Variants in PARD3B observed in about 807,000 individuals in gnomAD.
PARD3B encodes par-3 family cell polarity regulator beta, also known as partitioning defective 3 homolog B.
PARD3B carries 103 observed loss-of-function variants against 130.2 expected under a neutral mutation model. The ratio of observed to expected loss-of-function variants is 0.79; its 90% confidence interval spans 0.67 to 0.93. The LOEUF (loss-of-function observed/expected upper bound fraction) is 0.93, where lower values mean the gene tolerates loss of function less well. Ranked by LOEUF, PARD3B falls within the 40% of genes least tolerant of loss-of-function variation. The pLI, the probability that PARD3B is intolerant of heterozygous loss-of-function variation, is 0.00. For missense variants in PARD3B, 1,609 were observed against 1,499.2 expected, an observed-to-expected ratio of 1.07 and a Z score of -1.21; for synonymous variants, 583 against 553.2, an observed-to-expected ratio of 1.05 and a Z score of -0.76.
chr2:205,329,749 G>A (rs536475482), intron 18 of PARD3B, among the ~76,000 whole-genome samples: 1 of 152,300 alleles, frequency 6.6e-6, no homozygotes, highest in East Asian at 1.9e-4. Flanking sequence ...CTAGCATTGT[G>A]GGAGGCAGAG....
At position 205,325,922 on chromosome 2, in the gene PARD3B, C is replaced by T. The variant is rs1265662171; in HGVS notation, c.2630+24221C>T. Among the ~76,000 whole-genome samples, 3 of 152,194 alleles carry T rather than the reference C, an allele frequency of 2.0e-5. No individual in the cohort carries two copies. Among genetic ancestry groups the T allele is most frequent in the Non-Finnish European group, 4.4e-5 (3 of 68,046 alleles). On this transcript the variant is annotated intron_variant, in intron 18 of 22. Coordinates refer to ENST00000406610, the MANE Select transcript of PARD3B (RefSeq NM_001302769.2). The surrounding 1 kb of genome is among the most constrained non-coding windows in gnomAD (Gnocchi z 4.1). ...GCAAATAAACACAAAAACATCCTAT[C>T]ATCGTAGACTTCATTGCCTGTGTAT...
intron 19 of PARD3B, among the ~76,000 whole-genome samples, chr2:205,431,267 G>T (rs1428986369): frequency 6.6e-6 from 1 of 152,056 alleles, no homozygotes; most frequent in African/African-American, 2.4e-5. Context: ...AGTAGAGATG[G>T]GGTTTCACCA....
intron 2 of PARD3B, among the ~76,000 whole-genome samples, chr2:204,792,654 A>G (rs1282389424): frequency 2.0e-5 from 3 of 152,044 alleles, no homozygotes; most frequent in Non-Finnish European, 4.4e-5. Flanking sequence ...ACTACCACCA[A>G]CACCCCCACA....
chr2:204,851,692 C>A (rs2044712397), intron 2 of PARD3B, among the ~76,000 whole-genome samples: 1 of 151,630 alleles, frequency 6.6e-6, no homozygotes. Context: ...AACTGGCCAA[C>A]AGAATGATAT....
Position 205,562,230 on chromosome 2 carries a change from A to C in PARD3B, c.3260+8827A>C, listed in dbSNP as rs991628616. On this transcript the variant is annotated intron_variant, in intron 22 of 22. Transcript: ENST00000406610. The surrounding 1 kb of genome is among the most constrained non-coding windows in gnomAD (Gnocchi z 5.4). ...TTTTCATCATTTCCTCGTAGCCAAT[A>C]TATCCTTGATGCCAGTTAGAATATT... Among the ~76,000 whole-genome samples the C allele has an allele frequency of 6.6e-6, 1 of 152,160 alleles. No homozygotes were observed. Among genetic ancestry groups the C allele is most frequent in the African/African-American group, 2.4e-5 (1 of 41,438 alleles).
intron 2 of PARD3B, among the ~76,000 whole-genome samples, chr2:204,804,250 A>G (rs755940470): frequency 6.6e-6 from 1 of 152,120 alleles, no homozygotes; most frequent in African/African-American, 2.4e-5. Flanking sequence ...TCTTGCCTAC[A>G]AGAAACACAG....
intron 14 of PARD3B, among the ~76,000 whole-genome samples, chr2:205,191,733 G>A (rs1304096982): frequency 1.3e-5 from 2 of 152,102 alleles, no homozygotes; most frequent in East Asian, 3.8e-4. Context: ...TATACATAAG[G>A]AAATTGAAGC....
intron 18 of PARD3B, among the ~76,000 whole-genome samples, chr2:205,367,878 T>C (rs1461636320): frequency 6.6e-6 from 1 of 152,216 alleles, no homozygotes; most frequent in African/African-American, 2.4e-5. Context: ...ACTGATCCTT[T>C]CCCCTTTTAC....
chr2:205,260,423 T>G (rs1441370091), intron 16 of PARD3B, among the ~76,000 whole-genome samples: 1 of 152,106 alleles, frequency 6.6e-6, no homozygotes, highest in Non-Finnish European at 1.5e-5. Flanking sequence ...CTAGCTCCAG[T>G]TTAGTGTCTA....
chr2:204,667,253 C>T (rs1434422629), intron 1 of PARD3B, among the ~76,000 whole-genome samples: 1 of 152,170 alleles, frequency 6.6e-6, no homozygotes, highest in Non-Finnish European at 1.5e-5. Flanking sequence ...ATTACTGTAA[C>T]TGCAGCAAGC....
chr2:204,884,221 A>G, intron 2 of PARD3B, among the ~76,000 whole-genome samples: 1 of 152,184 alleles, frequency 6.6e-6, no homozygotes, highest in East Asian at 1.9e-4. Context: ...ATGGGGTGAA[A>G]ATATTAATAG....
intron 19 of PARD3B, among the ~76,000 whole-genome samples, chr2:205,430,127 A>T (rs74970281): frequency 6.6e-6 from 1 of 152,192 alleles, no homozygotes; most frequent in African/African-American, 2.4e-5. Context: ...GCATCAACAG[A>T]TTCCAGATGG....
chr2:205,456,555 A>G (rs2106211821), intron 20 of PARD3B, among the ~76,000 whole-genome samples: 1 of 152,114 alleles, frequency 6.6e-6, no homozygotes, highest in East Asian at 1.9e-4. Flanking sequence ...AAGTTGAAGA[A>G]GTTTCTCTTC....
intron 18 of PARD3B, among the ~76,000 whole-genome samples, chr2:205,323,945 T>C (rs2042847399): frequency 6.6e-6 from 1 of 152,174 alleles, no homozygotes; most frequent in Non-Finnish European, 1.5e-5. Context: ...GGTGAAGACT[T>C]TTAATGTTTG....
rs1276044661 is a variant in PARD3B, at chr2:205,300,495, A to G, written c.2186-35A>G. On this transcript the variant is annotated intron_variant, in intron 16 of 22. Transcript: ENST00000406610. The surrounding 1 kb of genome is among the most constrained non-coding windows in gnomAD (Gnocchi z 4.1). ...TAGCATTACACCACACTGCCCCATT[A>G]GAAGAGGGGTGACCTTTTGCCCTTT... 1.3e-6 allele frequency: 2 copies of G among 1,537,074 alleles called. No individual in the cohort carries two copies. The highest frequency in any genetic ancestry group is 1.8e-6 in the Non-Finnish European group (2 of 1,111,648).
In PARD3B at chr2:205,125,780, C is replaced by T. The variant is rs776066022; in HGVS notation, c.1434+43C>T. 1.4e-5 allele frequency: 22 copies of T among 1,606,768 alleles called. No individual in the cohort carries two copies. The highest frequency in any genetic ancestry group is 1.9e-5 in the Non-Finnish European group (22 of 1,175,484). On this transcript the variant is annotated intron_variant, in intron 10 of 22. Transcript: ENST00000406610. This position sits in a 1 kb window ranked among gnomAD's most constrained non-coding sequence, Gnocchi z 4.0. ...GTCTCACTGAATTTTTAATGCCGAG[C>T]TTAATACACTCAATGAACTCATTAT...
At chr2:204,825,356 C>A (rs1440275649) in intron 2 of PARD3B, among the ~76,000 whole-genome samples, 1 of 152,178 alleles carries the variant, frequency 6.6e-6, no homozygotes, top group Non-Finnish European at 1.5e-5. Flanking sequence ...AATTGGGAAG[C>A]ACACAGTGGG....
At chr2:204,656,108 C>T (rs1261848282) in intron 1 of PARD3B, among the ~76,000 whole-genome samples, 2 of 152,086 alleles carry the variant, frequency 1.3e-5, no homozygotes, top group Non-Finnish European at 1.5e-5. Context: ...ACTATTATTT[C>T]TGCAGCATTC....
At chr2:205,022,020 A>C (rs1452555508) in intron 3 of PARD3B, among the ~76,000 whole-genome samples, 1 of 152,138 alleles carries the variant, frequency 6.6e-6, no homozygotes. Flanking sequence ...GTTTTTTATT[A>C]CTCTTACTTT....
Sources: allele counts gnomAD v4.1 joint callset (sites outside exome capture counted in the v4.1 genomes callset), GRCh38; gene constraint gnomAD v4.1.1; non-coding constraint Gnocchi (gnomAD v3.1); transcripts MANE v1.5; gene names NCBI Gene and HGNC (gene_info 2026-07-23, HGNC 2026-07-21).